The following KAZN variants were observed in gnomAD, a reference collection of about 807,000 sequenced individuals.
KAZN encodes kazrin, periplakin interacting protein.
Under a neutral mutation model 87.4 loss-of-function variants are expected in KAZN, and 40 were observed. The ratio of observed to expected loss-of-function variants is 0.46; its 90% CI spans 0.36 to 0.60. The LOEUF (loss-of-function observed/expected upper bound fraction) is 0.60. KAZN is among the 20% of genes least tolerant of loss of function. The pLI is 0.00. For synonymous variants in KAZN, 466 were observed against 458.3 expected, an observed-to-expected ratio of 1.02 and a Z score of -0.22; for missense variants, 898 against 1,073.9, an observed-to-expected ratio of 0.84 and a Z score of 2.29.
At chr1:14,887,954 AAAAG>A (rs1654272815) in intron 1 of KAZN, among the ~76,000 whole-genome samples, 1 of 152,178 alleles carries the variant, frequency 6.6e-6, no homozygotes, top group Admixed American at 6.5e-5. Flanking sequence ...GTGAATAAAT[AAAAG>A]AAAGAGAAGG....
chr1:14,677,223 G>A (rs190294769), intron 1 of KAZN, among the ~76,000 whole-genome samples: 68 of 152,274 alleles, frequency 4.5e-4, no homozygotes, highest in African/African-American at 1.4e-3. Flanking sequence ...GGGCTGCCTG[G>A]ACCGCAAAGC....
intron 2 of KAZN, among the ~76,000 whole-genome samples, chr1:14,567,819 G>A (rs1674632433): frequency 1.3e-5 from 2 of 152,100 alleles, no homozygotes; most frequent in South Asian, 4.2e-4. Context: ...GCAGCTAAAA[G>A]ACCCCTCCTC....
chr1:14,762,689 C>T (rs562292477), intron 1 of KAZN, among the ~76,000 whole-genome samples: 2 of 151,508 alleles, frequency 1.3e-5, no homozygotes, highest in African/African-American at 4.8e-5. Context: ...CGCGCCACTG[C>T]ACTCTAGCCT....
intron 1 of KAZN, among the ~76,000 whole-genome samples, chr1:14,869,882 T>A (rs1354619114): frequency 1.3e-5 from 2 of 152,230 alleles, no homozygotes; most frequent in Admixed American, 6.5e-5. Flanking sequence ...ATGTGGTGGC[T>A]GCTGGGTTGT....
chr1:15,071,153 T>C (rs1639487282), intron 8 of KAZN, among the ~76,000 whole-genome samples: 1 of 152,252 alleles, frequency 6.6e-6, no homozygotes. Flanking sequence ...TATTTAAATA[T>C]CAAAGTTATG....
intron 13 of KAZN, among the ~76,000 whole-genome samples, chr1:15,109,196 G>A (rs531585623): frequency 6.6e-6 from 1 of 152,198 alleles, no homozygotes; most frequent in South Asian, 2.1e-4. Context: ...ACTAGCCTGG[G>A]CAACATGGCA....
intron 1 of KAZN, among the ~76,000 whole-genome samples, chr1:14,928,136 C>CG (rs1557629532): frequency 6.6e-6 from 1 of 152,230 alleles, no homozygotes; most frequent in Non-Finnish European, 1.5e-5. Context: ...GGAAAGACTT[C>CG]ACGTTGCTCT....
At chr1:14,052,535 TG>T (rs1252283671) in intron 1 of KAZN, among the ~76,000 whole-genome samples, 1 of 144,512 alleles carries the variant, frequency 6.9e-6, no homozygotes, top group African/African-American at 2.7e-5. Context: ...GGGTGTGGGG[TG>T]GAAAAAAAAA....
intron 1 of KAZN, among the ~76,000 whole-genome samples, chr1:14,125,418 T>G (rs61775718): frequency 0.07 from 10,720 of 152,134 alleles, 468 homozygotes; most frequent in Non-Finnish European, 0.11. Flanking sequence ...GCAGAGGTCA[T>G]TAAAAAGGGT....
At chr1:14,504,730 T>C (rs1014496713) in intron 2 of KAZN, among the ~76,000 whole-genome samples, 4 of 152,224 alleles carry the variant, frequency 2.6e-5, no homozygotes, top group African/African-American at 9.6e-5. Context: ...TCCAGAGTTC[T>C]TTGGAAACAT....
At chr1:14,399,104 C>G (rs1557690880) in intron 2 of KAZN, among the ~76,000 whole-genome samples, 1 of 152,176 alleles carries the variant, frequency 6.6e-6, no homozygotes, top group East Asian at 1.9e-4. Flanking sequence ...CAGCTCACTG[C>G]AGCCTCGATC....
At chr1:14,880,414 C>T (rs942790079) in intron 1 of KAZN, among the ~76,000 whole-genome samples, 3 of 152,128 alleles carry the variant, frequency 2.0e-5, no homozygotes, top group Admixed American at 6.5e-5. Flanking sequence ...CTCTAGGTAC[C>T]GCAGTGGCTT....
chr1:14,264,410 C>A (rs1292124958), intron 2 of KAZN, among the ~76,000 whole-genome samples: 1 of 152,168 alleles, frequency 6.6e-6, no homozygotes, highest in Non-Finnish European at 1.5e-5. Context: ...CTCAATGCAA[C>A]AGCGTTGGAA....
At chr1:14,519,927 G>A (rs960391130) in intron 2 of KAZN, among the ~76,000 whole-genome samples, 2 of 152,098 alleles carry the variant, frequency 1.3e-5, no homozygotes, top group African/African-American at 2.4e-5. Context: ...CACCCAGAGG[G>A]CCCCATGATG....
intron 1 of KAZN, among the ~76,000 whole-genome samples, chr1:14,880,591 C>T (rs567918828): frequency 4.6e-5 from 7 of 152,218 alleles, no homozygotes; most frequent in East Asian, 3.9e-4. Flanking sequence ...AGCTGGGCAC[C>T]GGACCCAGAG....
intron 2 of KAZN, among the ~76,000 whole-genome samples, chr1:14,303,838 C>A (rs1031778995): frequency 3.9e-5 from 6 of 152,160 alleles, no homozygotes; most frequent in African/African-American, 1.4e-4. Flanking sequence ...TTGCATTATT[C>A]TCTTTTCCAT....
At chr1:14,813,361 C>T (rs79739612) in intron 1 of KAZN, among the ~76,000 whole-genome samples, 8,736 of 152,226 alleles carry the variant, frequency 0.057, 326 homozygotes, top group Admixed American at 0.11. Context: ...CTTCTTGGAA[C>T]GCAGCTGCCA....
intron 2 of KAZN, among the ~76,000 whole-genome samples, chr1:14,201,231 G>A (rs369363547): frequency 2.0e-4 from 30 of 152,114 alleles, no homozygotes; most frequent in South Asian, 1.0e-3. Context: ...TAAACCTCTC[G>A]TCTTTCCTCT....
intron 2 of KAZN, among the ~76,000 whole-genome samples, chr1:14,212,433 G>A (rs766047062): frequency 5.2e-4 from 78 of 149,104 alleles, no homozygotes; most frequent in Non-Finnish European, 5.8e-4. Context: ...CTTTCAAAAA[G>A]ACGACTAGCT....
Sources: gnomAD v4.1 joint callset for allele counts (sites outside exome capture counted in the v4.1 genomes callset) on GRCh38, gnomAD v4.1.1 for gene constraint, MANE v1.5 for transcripts, NCBI Gene and HGNC (gene_info 2026-07-23, HGNC 2026-07-21) for gene names.